The following SNX7 variants were observed in gnomAD, a reference collection of about 807,000 sequenced individuals.
SNX7 encodes sorting nexin 7, also known as sorting nexin-7.
Under a neutral mutation model 48.4 loss-of-function variants are expected in SNX7, and 35 were observed. That is an observed-to-expected ratio of 0.72 (90% CI 0.55 to 0.96). The LOEUF is 0.96. Among genes scored for constraint, SNX7 ranks in the 40% least tolerant of loss-of-function variants. The probability of loss-of-function intolerance (pLI) is 0.00; values close to 1 mark genes in which losing one functional copy is unlikely to be tolerated. For missense variants in SNX7, 553 were observed against 548.9 expected (o/e 1.01, Z -0.07); for synonymous variants, 190 against 190.2 (o/e 1.00, Z 0.01).
chr1:98,753,198 G>C (rs1478267629), intron 8 of SNX7, among the ~76,000 whole-genome samples: 1 of 151,966 alleles, frequency 6.6e-6, no homozygotes, highest in African/African-American at 2.4e-5. Flanking sequence ...AGTTGTTAAT[G>C]TTATTTCTGT....
At chr1:98,693,811 T>C (rs773295404) in intron 4 of SNX7, among the ~76,000 whole-genome samples, 3 of 152,240 alleles carry the variant, frequency 2.0e-5, no homozygotes, top group Non-Finnish European at 4.4e-5. Context: ...TAATATATAA[T>C]ATTTTTATCT....
chr1:98,726,637 G>T (rs1653186673), intron 7 of SNX7, among the ~76,000 whole-genome samples: 1 of 148,426 alleles, frequency 6.7e-6, no homozygotes, highest in South Asian at 2.2e-4. Flanking sequence ...TGAATATGGA[G>T]ATATATTTCC....
At chr1:98,713,102 A>AG (rs1208038763) in intron 7 of SNX7, among the ~76,000 whole-genome samples, 1 of 151,854 alleles carries the variant, frequency 6.6e-6, no homozygotes, top group East Asian at 1.9e-4. Flanking sequence ...AGGAAAAAAA[A>AG]AAAAAAAAAA....
At position 98,668,573 on chromosome 1, in the gene SNX7, G is replaced by A. The variant is rs142552336; in HGVS notation, c.180+6662G>A. Among the ~76,000 whole-genome samples, 39 of 152,272 alleles carry A rather than the reference G, an allele frequency of 2.6e-4. No homozygotes were observed. In the East Asian group the frequency reaches 5.0e-3, roughly 20 times the overall value. On this transcript the variant is annotated intron_variant, in intron 1 of 8. Coordinates refer to ENST00000306121, the MANE Select transcript of SNX7 (RefSeq NM_015976.5). Reference sequence around the variant, plus strand: ...GGAAGTAGCAACAGTTTTGACACACGTATTTGCTATCCATGAAAGAGAGTC... The same window carrying A: ...GGAAGTAGCAACAGTTTTGACACACATATTTGCTATCCATGAAAGAGAGTC...
At position 98,695,589 on chromosome 1, in the gene SNX7, G is replaced by A. The variant is rs748433420; in HGVS notation, c.711G>A (p.Ala237=). The A allele has an allele frequency of 3.3e-5, 53 of 1,613,970 alleles. No homozygotes were observed. Among genetic ancestry groups the A allele is most frequent in the Non-Finnish European group, 4.1e-5 (48 of 1,180,024 alleles). Residue 237 remains alanine, a synonymous_variant, in exon 5 of 9, where the codon GCG becomes GCA. Coordinates refer to ENST00000306121, the MANE Select transcript of SNX7 (RefSeq NM_015976.5). The part of the protein sequence containing the change: ...SRMGQTVRAV[A]SSMRGVKNRP... ...TGGGGCAAACCGTCAGAGCTGTTGC[G>A]TCCTCAATGAGAGGAGTTAAAAACC...
chr1:98,701,153 A>C (rs1570539011), intron 6 of SNX7, among the ~76,000 whole-genome samples: 2 of 152,290 alleles, frequency 1.3e-5, no homozygotes, highest in South Asian at 2.1e-4. Flanking sequence ...TGAATTCTGC[A>C]CTCAAATTTC....
rs905993831 is a variant in SNX7, at chr1:98,695,637, G to T, written c.759G>T (p.Met253Ile). 6.2e-7 allele frequency: 1 copy of T among 1,612,314 alleles called. No individual in the cohort carries two copies. The highest frequency in any genetic ancestry group is 1.1e-5 in the South Asian group (1 of 91,024). The change falls in exon 5 of 9, where the codon ATG (methionine) becomes ATT (isoleucine). Residue 253 changes from methionine (M) to isoleucine (I), a missense_variant. Physicochemically the swap from Met to Ile is conservative, Grantham distance 10. Coordinates refer to ENST00000306121, the MANE Select transcript of SNX7 (RefSeq NM_015976.5). ...ACCGCCCAGAGGAGTTCATGGAAAT[G>T]AATAACTTTATTGAACTATTTAGCC... ...VKNRPEEFME[M>I]NNFIELFSQK...
chr1:98,750,051 A>T (rs931310339), intron 8 of SNX7, among the ~76,000 whole-genome samples: 15 of 152,086 alleles, frequency 9.9e-5, no homozygotes, highest in African/African-American at 3.6e-4. Context: ...ATATGGCTTA[A>T]TATGGGAATT....
chr1:98,746,792 AG>A (rs1386183254), intron 8 of SNX7, among the ~76,000 whole-genome samples: 16 of 152,104 alleles, frequency 1.1e-4, no homozygotes, highest in Admixed American at 9.8e-4. Context: ...GCAAATAAGA[AG>A]GTAAATATTA....
intron 7 of SNX7, among the ~76,000 whole-genome samples, chr1:98,733,210 A>G (rs910788523): frequency 2.9e-5 from 4 of 139,494 alleles, no homozygotes; most frequent in Non-Finnish European, 6.5e-5. Flanking sequence ...CCTTCAGGCC[A>G]TCATCTCCTA....
intron 2 of SNX7, among the ~76,000 whole-genome samples, chr1:98,689,657 T>C (rs1651002780): frequency 6.6e-6 from 1 of 152,198 alleles, no homozygotes; most frequent in Admixed American, 6.5e-5. Context: ...TTCTTAGAAA[T>C]TGGTAGTGGA....
In SNX7 at chr1:98,729,713, A is replaced by G. The variant is rs6703552; in HGVS notation, c.1126-8524A>G. Among the ~76,000 whole-genome samples the G allele has an allele frequency of 2.7e-3, 408 of 152,312 alleles. 1 individual carries two copies. The highest frequency in any genetic ancestry group is 9.5e-3 in the African/African-American group (393 of 41,554). On this transcript the variant is annotated intron_variant, in intron 7 of 8. Coordinates refer to ENST00000306121, the MANE Select transcript of SNX7 (RefSeq NM_015976.5). ...AGACACTTTAAAGACTGAACCAGGAAGAAGTTGAATCCTTGAATAGACCAA... is the reference window on the plus strand; with the variant it reads ...AGACACTTTAAAGACTGAACCAGGAGGAAGTTGAATCCTTGAATAGACCAA...
At chr1:98,692,330 C>G (rs1272571114) in intron 4 of SNX7, among the ~76,000 whole-genome samples, 2 of 151,976 alleles carry the variant, frequency 1.3e-5, no homozygotes, top group African/African-American at 4.8e-5. Context: ...TTTATTGATA[C>G]CAAGTTTATG....
intron 7 of SNX7, among the ~76,000 whole-genome samples, chr1:98,717,539 C>G (rs1280274437): frequency 2.0e-5 from 3 of 152,100 alleles, no homozygotes; most frequent in Non-Finnish European, 4.4e-5. Flanking sequence ...CAGAACAATC[C>G]TCAGAAAATA....
chr1:98,742,044 A>AT (rs1654097775), intron 8 of SNX7, among the ~76,000 whole-genome samples: 1 of 152,118 alleles, frequency 6.6e-6, no homozygotes, highest in Non-Finnish European at 1.5e-5. Context: ...AAATAGAACA[A>AT]TTACCTTTTG....
intron 7 of SNX7, among the ~76,000 whole-genome samples, chr1:98,713,635 A>G (rs1172771478): frequency 6.6e-6 from 1 of 152,208 alleles, no homozygotes; most frequent in South Asian, 2.1e-4. Context: ...ATTTAAAGTA[A>G]GAGATGCTCA....
At chr1:98,741,847 T>C (rs1158764235) in intron 8 of SNX7, among the ~76,000 whole-genome samples, 3 of 152,178 alleles carry the variant, frequency 2.0e-5, no homozygotes, top group Non-Finnish European at 4.4e-5. Context: ...GATTCCTGGC[T>C]GATCTTATGA....
At chr1:98,687,751 C>CA (rs1650885946) in intron 2 of SNX7, among the ~76,000 whole-genome samples, 1 of 152,088 alleles carries the variant, frequency 6.6e-6, no homozygotes, top group Non-Finnish European at 1.5e-5. Flanking sequence ...AAAGGCGGGA[C>CA]ATTTAATTGA....
intron 7 of SNX7, among the ~76,000 whole-genome samples, chr1:98,711,046 T>G (rs993834124): frequency 6.6e-6 from 1 of 152,192 alleles, no homozygotes; most frequent in African/African-American, 2.4e-5. Flanking sequence ...AGACAGAATC[T>G]AGCTCTGTCA....
Sources: gnomAD v4.1 joint callset for allele counts (sites outside exome capture counted in the v4.1 genomes callset) on GRCh38, gnomAD v4.1.1 for gene constraint, MANE v1.5 for transcripts, NCBI Gene and HGNC (gene_info 2026-07-23, HGNC 2026-07-21) for gene names.